Variants in DENND1A observed in about 807,000 individuals in gnomAD.
DENND1A encodes the protein DENN domain containing 1A.
In DENND1A, 51 loss-of-function variants were observed where a neutral mutation model predicts 113.7. That is an observed-to-expected ratio of 0.45 (90% CI 0.36 to 0.57). DENND1A has a LOEUF of 0.57. Among genes scored for constraint, DENND1A ranks in the 20% least tolerant of loss-of-function variants. DENND1A has a pLI of 0.00. For synonymous variants in DENND1A, 565 were observed against 570.8 expected (o/e 0.99, Z 0.14); for missense variants, 1,258 against 1,395.9 (o/e 0.90, Z 1.57).
chr9:123,542,114 G>A (rs369411531), intron 13 of DENND1A, among the ~76,000 whole-genome samples: 2 of 152,006 alleles, frequency 1.3e-5, no homozygotes, highest in Non-Finnish European at 2.9e-5. Flanking sequence ...CAAATTCACT[G>A]AAGTTTGGGG....
At chr9:123,514,406 C>T (rs949627314) in intron 13 of DENND1A, among the ~76,000 whole-genome samples, 2 of 151,754 alleles carry the variant, frequency 1.3e-5, no homozygotes, top group African/African-American at 2.4e-5. Context: ...TAGAAGAATC[C>T]ATGTGAGAAG....
chr9:123,414,713 C>G (rs1294130651), intron 19 of DENND1A: 39 of 1,248,572 alleles, frequency 3.1e-5, no homozygotes, highest in Non-Finnish European at 4.3e-5. Flanking sequence ...GACTTGCTTT[C>G]CCTATACCAC....
chr9:123,480,693 G>T (rs936474267), intron 13 of DENND1A, among the ~76,000 whole-genome samples: 1 of 152,030 alleles, frequency 6.6e-6, no homozygotes, highest in East Asian at 1.9e-4. Context: ...CTGCTTATCC[G>T]CCAGCCTCCC....
intron 18 of DENND1A, among the ~76,000 whole-genome samples, chr9:123,449,155 T>C (rs527663216): frequency 1.3e-5 from 2 of 152,276 alleles, no homozygotes; most frequent in South Asian, 2.1e-4. Flanking sequence ...TGTTTACTCA[T>C]GAAATGGGAA....
At chr9:123,897,915 G>A (rs567590024) in intron 1 of DENND1A, among the ~76,000 whole-genome samples, 89 of 150,190 alleles carry the variant, frequency 5.9e-4, no homozygotes, top group East Asian at 7.8e-4. Context: ...ACTCCACTCC[G>A]GGCAACAGAG....
chr9:123,854,706 A>G (rs1843898181), intron 2 of DENND1A, among the ~76,000 whole-genome samples: 1 of 146,028 alleles, frequency 6.8e-6, no homozygotes, highest in Non-Finnish European at 1.5e-5. Context: ...AAAAAAAAAT[A>G]AAAATAAAAA....
intron 9 of DENND1A, among the ~76,000 whole-genome samples, chr9:123,649,514 T>C (rs755137680): frequency 1.4e-4 from 22 of 152,314 alleles, no homozygotes; most frequent in Non-Finnish European, 2.8e-4. Context: ...AATAATCTTT[T>C]CCTTGAGATG....
chr9:123,831,994 AAT>A (rs1423106816), intron 2 of DENND1A, among the ~76,000 whole-genome samples: 8 of 152,152 alleles, frequency 5.3e-5, no homozygotes, highest in African/African-American at 2.4e-5. Context: ...AAAAAAAAAC[AAT>A]AACAATAATA....
intron 19 of DENND1A, among the ~76,000 whole-genome samples, chr9:123,420,897 G>T (rs1288375860): frequency 1.3e-5 from 2 of 151,228 alleles, no homozygotes; most frequent in Non-Finnish European, 2.9e-5. Context: ...AGGGGGAGGG[G>T]AGCCCTTTGT....
At chr9:123,582,354 G>T (rs989378485) in intron 12 of DENND1A, among the ~76,000 whole-genome samples, 2 of 151,992 alleles carry the variant, frequency 1.3e-5, no homozygotes, top group African/African-American at 4.8e-5. Context: ...TCTTTCTGAT[G>T]AAAGTTCAAG....
At chr9:123,384,409 C>G (rs1324469189) in intron 22 of DENND1A, among the ~76,000 whole-genome samples, 1 of 152,236 alleles carries the variant, frequency 6.6e-6, no homozygotes, top group African/African-American at 2.4e-5. Flanking sequence ...TGGGCCTAAG[C>G]TTGCCCTGCT....
At chr9:123,816,698 C>A (rs909271713) in intron 2 of DENND1A, among the ~76,000 whole-genome samples, 2 of 152,170 alleles carry the variant, frequency 1.3e-5, no homozygotes, top group Non-Finnish European at 2.9e-5. Flanking sequence ...TTCAATAGTG[C>A]CTTGAATAGG....
At chr9:123,920,565 G>T (rs986488192) in intron 1 of DENND1A, among the ~76,000 whole-genome samples, 10 of 151,946 alleles carry the variant, frequency 6.6e-5, no homozygotes, top group African/African-American at 1.9e-4. Context: ...ACATTAAGTG[G>T]TTTTTTTACT....
intron 3 of DENND1A, among the ~76,000 whole-genome samples, chr9:123,791,414 AG>A (rs1425538188): frequency 6.6e-6 from 1 of 152,178 alleles, no homozygotes; most frequent in African/African-American, 2.4e-5. Flanking sequence ...AGATGAAGCA[AG>A]AGACAGAGTC....
chr9:123,579,072 T>C (rs1246874979), intron 12 of DENND1A, among the ~76,000 whole-genome samples: 1 of 152,118 alleles, frequency 6.6e-6, no homozygotes, highest in Non-Finnish European at 1.5e-5. Context: ...ACTACAGCTA[T>C]GGAGAAACAA....
At chr9:123,607,545 A>AGAGTGT (rs758042066) in intron 11 of DENND1A, among the ~76,000 whole-genome samples, 1 of 105,882 alleles carries the variant, frequency 9.4e-6, no homozygotes, top group Admixed American at 9.2e-5. Context: ...AGAGAGAGAG[A>AGAGTGT]GAGTGTGTGT....
At chr9:123,879,172 A>G in intron 1 of DENND1A, 151 bp from the exon 2 acceptor site, 1 of 676,184 alleles carries the variant, frequency 1.5e-6, no homozygotes, top group Non-Finnish European at 2.5e-6. Context: ...TATTTCTCTG[A>G]GACCATGCCT....
chr9:123,388,781 G>C (rs886684153), intron 21 of DENND1A, among the ~76,000 whole-genome samples: 1 of 152,044 alleles, frequency 6.6e-6, no homozygotes, highest in Non-Finnish European at 1.5e-5. Context: ...GCAGGGGCGA[G>C]CTGGACCAGG....
intron 1 of DENND1A, among the ~76,000 whole-genome samples, chr9:123,879,457 CA>C (rs1848002486): frequency 6.6e-6 from 1 of 152,074 alleles, no homozygotes; most frequent in Non-Finnish European, 1.5e-5. Context: ...CACTTGAGCC[CA>C]GGAGGCAGAG....
Sources: allele counts gnomAD v4.1 joint callset (sites outside exome capture counted in the v4.1 genomes callset), GRCh38; gene constraint gnomAD v4.1.1; transcripts MANE v1.5; gene names NCBI Gene and HGNC (gene_info 2026-07-23, HGNC 2026-07-21).